ITPK1: variants seen among roughly 807,000 people sequenced by gnomAD.
The protein encoded by ITPK1 is inositol-tetrakisphosphate 1-kinase.
A neutral mutation model predicts 45.3 loss-of-function variants in ITPK1; 21 were observed. That is an observed-to-expected ratio of 0.46 (90% CI 0.33 to 0.67). ITPK1 has a LOEUF of 0.67. Ranked by LOEUF, ITPK1 falls within the 30% of genes least tolerant of loss-of-function variation. The probability of loss-of-function intolerance (pLI) is 0.02; values close to 1 mark genes in which losing one functional copy is unlikely to be tolerated. For synonymous variants in ITPK1, 258 were observed against 253.6 expected, an observed-to-expected ratio of 1.02 and a Z score of -0.16; for missense variants, 474 against 573.5, an observed-to-expected ratio of 0.83 and a Z score of 1.77.
intron 3 of ITPK1, among the ~76,000 whole-genome samples, chr14:93,044,982 A>G (rs935210816): frequency 3.9e-5 from 6 of 152,228 alleles, no homozygotes; most frequent in Non-Finnish European, 7.3e-5. Flanking sequence ...AGGATCTGTC[A>G]GATCAGGAAG....
intron 9 of ITPK1, among the ~76,000 whole-genome samples, chr14:92,949,665 T>C (rs1887865242): frequency 6.6e-6 from 1 of 152,254 alleles, no homozygotes; most frequent in Admixed American, 6.5e-5. Context: ...GAGGAGCTGC[T>C]GCCTCAGGCT....
chr14:92,962,601 A>G, intron 6 of ITPK1, 150 bp downstream of exon 6: 3 of 758,306 alleles, frequency 4.0e-6, no homozygotes, highest in Non-Finnish European at 7.1e-6. Context: ...ACCCGTTTCT[A>G]TGGTGTGGGT....
intron 4 of ITPK1, among the ~76,000 whole-genome samples, chr14:93,000,809 C>CA (rs1265194789): frequency 2.0e-5 from 3 of 151,150 alleles, no homozygotes; most frequent in Non-Finnish European, 2.9e-5. Flanking sequence ...AAACCCCCCG[C>CA]AAAAATACAA....
intron 3 of ITPK1, chr14:93,071,999 A>T (rs1039122740): frequency 8.5e-5 from 13 of 152,250 alleles, no homozygotes; most frequent in Admixed American, 5.9e-4. Flanking sequence ...ACCTTTAAAA[A>T]TAAACTTAAT....
intron 7 of ITPK1, among the ~76,000 whole-genome samples, chr14:92,959,052 G>A (rs951391179): frequency 2.6e-5 from 4 of 152,310 alleles, no homozygotes; most frequent in African/African-American, 9.6e-5. Context: ...GTGATACTCC[G>A]CAAACAACAG....
chr14:93,013,925 G>C (rs897559421), intron 4 of ITPK1, among the ~76,000 whole-genome samples: 2 of 152,172 alleles, frequency 1.3e-5, no homozygotes, highest in African/African-American at 4.8e-5. Context: ...GGTGGTAGAA[G>C]GAAGCCTCTT....
At chr14:93,111,541 T>A (rs969676505) in intron 2 of ITPK1, among the ~76,000 whole-genome samples, 1 of 151,782 alleles carries the variant, frequency 6.6e-6, no homozygotes, top group African/African-American at 2.4e-5. Context: ...TAAAACTCCA[T>A]CTCCACTAAA....
intron 2 of ITPK1, among the ~76,000 whole-genome samples, chr14:93,104,450 G>GAA (rs1000133665): frequency 7.0e-6 from 1 of 143,218 alleles, no homozygotes; most frequent in African/African-American, 2.8e-5. Flanking sequence ...TGACAATAGC[G>GAA]AAACTCCATC....
intron 5 of ITPK1, among the ~76,000 whole-genome samples, chr14:92,976,356 C>T (rs926338336): frequency 2.0e-5 from 3 of 152,172 alleles, no homozygotes; most frequent in Middle Eastern, 3.2e-3. Flanking sequence ...GGAAGCAAGG[C>T]CAGAGAGGCT....
At chr14:93,001,979 T>C (rs970967156) in intron 4 of ITPK1, among the ~76,000 whole-genome samples, 1 of 152,200 alleles carries the variant, frequency 6.6e-6, no homozygotes, top group African/African-American at 2.4e-5. Context: ...CACAGACCTA[T>C]ACACCTTGCA....
rs889523390 is a variant in ITPK1, at chr14:93,014,818, C to T, written c.246+1858G>A. Among the ~76,000 whole-genome samples, 14 of 152,394 alleles carry T rather than the reference C, an allele frequency of 9.2e-5. No individual in the cohort carries two copies. The highest frequency in any genetic ancestry group is 4.1e-4 in the South Asian group (2 of 4,834). ...AGCAAGTGGGTCAACCGCCATGAAG[C>T]GCTTTCGAGCAGGGCTTGGTAAGCG... On this transcript the variant is annotated intron_variant, in intron 4 of 10. Coordinates refer to ENST00000267615, the MANE Select transcript of ITPK1 (RefSeq NM_014216.6). The surrounding 1 kb of genome is among the most constrained non-coding windows in gnomAD (Gnocchi z 4.4).
At chr14:93,059,685 G>A (rs1890424343) in intron 3 of ITPK1, among the ~76,000 whole-genome samples, 1 of 44,360 alleles carries the variant, frequency 2.3e-5, no homozygotes, top group South Asian at 1.1e-3. Flanking sequence ...AGGGGTGGAG[G>A]GGGTGCGGGT....
intron 10 of ITPK1, 122 bp downstream of exon 10, chr14:92,946,209 C>T: frequency 8.5e-7 from 1 of 1,182,122 alleles, no homozygotes; most frequent in Non-Finnish European, 1.2e-6. Flanking sequence ...CTGCACCTCC[C>T]CGGACCTCGT....
At chr14:93,095,556 C>A (rs1892042265) in intron 2 of ITPK1, among the ~76,000 whole-genome samples, 1 of 137,504 alleles carries the variant, frequency 7.3e-6, no homozygotes, top group Non-Finnish European at 1.5e-5. Context: ...AAAAGGGTCA[C>A]CTAGAGTCAC....
chr14:92,960,113 G>A (rs550812192), intron 7 of ITPK1, among the ~76,000 whole-genome samples: 122 of 152,366 alleles, frequency 8.0e-4, no homozygotes, highest in African/African-American at 2.8e-3. Context: ...CAGAGAGTCC[G>A]CTGGGGTCTC....
At chr14:92,947,803 G>A (rs2139706121) in intron 9 of ITPK1, among the ~76,000 whole-genome samples, 1 of 152,264 alleles carries the variant, frequency 6.6e-6, no homozygotes, top group East Asian at 1.9e-4. Context: ...AAAGACAAAA[G>A]TGAAGCTGGG....
Position 92,940,189 on chromosome 14 carries a change from G to A in ITPK1, c.*1372C>T, listed in dbSNP as rs2139685913. The A allele has an allele frequency of 7.1e-6, 7 of 985,792 alleles. No individual in the cohort carries two copies. The highest frequency in any genetic ancestry group is 8.4e-6 in the Non-Finnish European group (7 of 830,210). 61.1% of individuals were successfully genotyped at this position (985,792 alleles called of 1,614,324 possible). A position where few individuals can be genotyped will look rare whatever the true frequency, so the allele number is the denominator to read the frequency against. On this transcript the variant is annotated 3_prime_UTR_variant, in exon 11 of 11. Coordinates refer to ENST00000267615, the MANE Select transcript of ITPK1 (RefSeq NM_014216.6). ...CTCGGGACACTCAGCACTTTCTCTA[G>A]CGTCCTCCATCTCACTGGGCAGAGG...
At chr14:93,103,925 A>G (rs1361404901) in intron 2 of ITPK1, among the ~76,000 whole-genome samples, 1 of 152,208 alleles carries the variant, frequency 6.6e-6, no homozygotes, top group African/African-American at 2.4e-5. Context: ...CCACTGGAGG[A>G]TCCCCCAGAA....
intron 3 of ITPK1, among the ~76,000 whole-genome samples, chr14:93,024,497 C>G (rs1888633757): frequency 6.6e-6 from 1 of 152,204 alleles, no homozygotes; most frequent in South Asian, 2.1e-4. Flanking sequence ...TAGAGCTGAC[C>G]ATGCTGTACA....
Sources: allele counts gnomAD v4.1 joint callset (sites outside exome capture counted in the v4.1 genomes callset), GRCh38; gene constraint gnomAD v4.1.1; non-coding constraint Gnocchi (gnomAD v3.1); transcripts MANE v1.5; gene names NCBI Gene and HGNC (gene_info 2026-07-23, HGNC 2026-07-21).